TMEFF2: variants seen among roughly 807,000 people sequenced by gnomAD.
The protein encoded by TMEFF2 is transmembrane protein with EGF like and two follistatin like domains 2, also known as tomoregulin-2.
In TMEFF2, 28 loss-of-function variants were observed where a neutral mutation model predicts 53.8. The ratio of observed to expected loss-of-function variants is 0.52; its 90% CI spans 0.39 to 0.71. The LOEUF is 0.71. Among genes scored for constraint, TMEFF2 ranks in the 30% least tolerant of loss-of-function variants. TMEFF2 has a pLI of 0.00. For missense variants in TMEFF2, 353 were observed against 455.2 expected (o/e 0.78, Z 2.04); for synonymous variants, 162 against 166.3 (o/e 0.97, Z 0.20).
rs924014384 is a variant in TMEFF2, at chr2:192,186,655, A to G, written c.283-2172T>C. ...TCTATGGCTAGCTGGACTAGTTAAC[A>G]TCTCATGCTTGAGGCCTGGTATTCT... is the stretch of plus-strand genomic sequence containing the variant. On this transcript the variant is annotated intron_variant, in intron 2 of 9. Transcript: ENST00000272771. Among the ~76,000 whole-genome samples, 5 of 152,246 alleles carry G rather than the reference A, an allele frequency of 3.3e-5. No homozygotes were observed. The South Asian group carries it at 1.0e-3, about 32-fold the overall frequency.
At chr2:192,040,321 C>T (rs1687440879) in intron 5 of TMEFF2, among the ~76,000 whole-genome samples, 1 of 152,002 alleles carries the variant, frequency 6.6e-6, no homozygotes, top group Non-Finnish European at 1.5e-5. Context: ...CTTCCTTCTC[C>T]TCAACATTGT....
intron 4 of TMEFF2, among the ~76,000 whole-genome samples, chr2:192,062,143 C>G (rs1208227399): frequency 6.6e-6 from 1 of 152,028 alleles, no homozygotes; most frequent in Non-Finnish European, 1.5e-5. Context: ...CCCTGGTTAC[C>G]CTTCCCAGGC....
chr2:192,179,576 G>T (rs2106033921), intron 4 of TMEFF2, 92 bp downstream of exon 4: 1 of 1,365,314 alleles, frequency 7.3e-7, no homozygotes, highest in East Asian at 2.6e-5. Context: ...TATGAAATTT[G>T]TCTTAAATAT....
At chr2:192,113,700 A>G (rs955331371) in intron 4 of TMEFF2, among the ~76,000 whole-genome samples, 6 of 152,216 alleles carry the variant, frequency 3.9e-5, no homozygotes, top group African/African-American at 1.4e-4. Context: ...AAGCTTATAT[A>G]TGAAAATAAT....
Position 191,956,240 on chromosome 2 carries a change from G to A in TMEFF2, c.869+15C>T, listed in dbSNP as rs759159284. 2.2e-5 allele frequency: 35 copies of A among 1,598,428 alleles called. No homozygotes were observed. Among genetic ancestry groups the A allele is most frequent in the Middle Eastern group, 1.7e-4 (1 of 5,998 alleles). Reference sequence around the variant, plus strand: ...AACTTTATACATTAACTATTCTTGCGAGTAAAAATGTTACCTGCAAGATGG... The same window carrying A: ...AACTTTATACATTAACTATTCTTGCAAGTAAAAATGTTACCTGCAAGATGG... On this transcript the variant is annotated intron_variant, in intron 8 of 9. Transcript: ENST00000272771.
At chr2:192,031,487 G>A (rs1687136962) in intron 5 of TMEFF2, 1 of 152,152 alleles carries the variant, frequency 6.6e-6, no homozygotes, top group Non-Finnish European at 1.5e-5. Flanking sequence ...CTAGATAAGT[G>A]CATTGTAATT....
chr2:192,045,743 T>TA (rs1349751991), intron 5 of TMEFF2, among the ~76,000 whole-genome samples: 9 of 152,166 alleles, frequency 5.9e-5, no homozygotes, highest in Admixed American at 2.0e-4. Context: ...GAGTCCCTAA[T>TA]ATGGCACCAA....
At chr2:192,165,468 A>T (rs960113861) in intron 4 of TMEFF2, among the ~76,000 whole-genome samples, 3 of 152,192 alleles carry the variant, frequency 2.0e-5, no homozygotes, top group Non-Finnish European at 4.4e-5. Flanking sequence ...AAGATAGTTT[A>T]GTCTCTAGAG....
chr2:192,061,743 A>G (rs1688049240), intron 4 of TMEFF2, among the ~76,000 whole-genome samples: 1 of 152,110 alleles, frequency 6.6e-6, no homozygotes, highest in African/African-American at 2.4e-5. Flanking sequence ...TCCCTTATGA[A>G]TGGCTTAGGG....
At chr2:192,036,438 C>T (rs1036428261) in intron 5 of TMEFF2, 2 of 152,056 alleles carry the variant, frequency 1.3e-5, no homozygotes, top group African/African-American at 4.8e-5. Context: ...AAAGGCAGGC[C>T]CATGATATGG....
intron 4 of TMEFF2, among the ~76,000 whole-genome samples, chr2:192,065,355 T>C (rs1264106490): frequency 6.6e-6 from 1 of 151,788 alleles, no homozygotes; most frequent in Non-Finnish European, 1.5e-5. Flanking sequence ...AATAGAAGCA[T>C]TTACATACAT....
intron 7 of TMEFF2, among the ~76,000 whole-genome samples, chr2:191,986,708 A>C (rs1685984246): frequency 6.6e-6 from 1 of 151,944 alleles, no homozygotes; most frequent in African/African-American, 2.4e-5. Context: ...AAATACAAAA[A>C]TTAGCCAGGC....
chr2:192,179,084 A>T (rs530230627), intron 4 of TMEFF2: 1 of 151,312 alleles, frequency 6.6e-6, no homozygotes, highest in African/African-American at 2.4e-5. Context: ...AAAACTAAAT[A>T]ATGGGAACAT....
intron 4 of TMEFF2, among the ~76,000 whole-genome samples, chr2:192,160,446 A>G (rs1241330922): frequency 6.6e-6 from 1 of 152,192 alleles, no homozygotes; most frequent in Admixed American, 6.5e-5. Context: ...ACTCTGGACT[A>G]AGAAACTGCC....
At chr2:191,974,268 T>TTGTG (rs1419946920) in intron 7 of TMEFF2, among the ~76,000 whole-genome samples, 1 of 150,072 alleles carries the variant, frequency 6.7e-6, no homozygotes, top group African/African-American at 2.5e-5. Flanking sequence ...AGAATTTTTT[T>TTGTG]TGTGTGTGTG....
chr2:192,140,197 G>C (rs1483628335), intron 4 of TMEFF2, among the ~76,000 whole-genome samples: 1 of 152,198 alleles, frequency 6.6e-6, no homozygotes, highest in Non-Finnish European at 1.5e-5. Flanking sequence ...TTTGTGTTGA[G>C]ATGACAATTA....
intron 4 of TMEFF2, among the ~76,000 whole-genome samples, chr2:192,088,537 G>A (rs761899704): frequency 1.3e-5 from 2 of 152,078 alleles, no homozygotes; most frequent in African/African-American, 2.4e-5. Context: ...CCACTATAGC[G>A]ATGGTGTCAG....
intron 7 of TMEFF2, among the ~76,000 whole-genome samples, chr2:191,976,355 TTA>T (rs1436016186): frequency 6.6e-6 from 1 of 152,200 alleles, no homozygotes. Context: ...AATAAATGTT[TTA>T]GTTGTTATTA....
chr2:192,003,543 G>C (rs960350640), intron 5 of TMEFF2, among the ~76,000 whole-genome samples: 4 of 152,288 alleles, frequency 2.6e-5, no homozygotes, highest in Admixed American at 2.6e-4. Flanking sequence ...GACTTTTTGT[G>C]CATCACTGGG....
Sources: allele counts gnomAD v4.1 joint callset (sites outside exome capture counted in the v4.1 genomes callset), GRCh38; gene constraint gnomAD v4.1.1; transcripts MANE v1.5; gene names NCBI Gene and HGNC (gene_info 2026-07-23, HGNC 2026-07-21).